Variants in HDAC9 observed in about 807,000 individuals in gnomAD.
The protein encoded by HDAC9 is MEF-2 interacting transcription repressor (MITR) protein.
Under a neutral mutation model 139.4 loss-of-function variants are expected in HDAC9, and 41 were observed. The observed-to-expected ratio is 0.29, with a 90% CI of 0.23 to 0.38. HDAC9 has a LOEUF of 0.38. Ranked by LOEUF, HDAC9 falls within the 10% of genes least tolerant of loss-of-function variation. The probability of loss-of-function intolerance (pLI) is 1.00; values close to 1 mark genes in which losing one functional copy is unlikely to be tolerated. For synonymous variants in HDAC9, 517 were observed against 476.2 expected (o/e 1.09, Z -1.12); for missense variants, 1,147 against 1,297.0 (o/e 0.88, Z 1.78).
At chr7:18,499,279 A>G (rs768441656) in intron 2 of HDAC9, among the ~76,000 whole-genome samples, 1 of 152,104 alleles carries the variant, frequency 6.6e-6, no homozygotes, top group Non-Finnish European at 1.5e-5. Flanking sequence ...ATTGGATATT[A>G]TGCACTAATA....
chr7:18,672,284 A>G (rs575749087), intron 12 of HDAC9, among the ~76,000 whole-genome samples: 1 of 152,022 alleles, frequency 6.6e-6, no homozygotes, highest in East Asian at 1.9e-4. Flanking sequence ...GCTTTGATTT[A>G]TATTTCATTA....
chr7:18,248,427 C>G (rs1268790450), intron 2 of HDAC9, among the ~76,000 whole-genome samples: 1 of 152,082 alleles, frequency 6.6e-6, no homozygotes, highest in Non-Finnish European at 1.5e-5. Flanking sequence ...GACAAGTTTT[C>G]TGGAAAAGTA....
chr7:18,183,265 T>C (rs1789637146), intron 2 of HDAC9, among the ~76,000 whole-genome samples: 1 of 152,188 alleles, frequency 6.6e-6, no homozygotes, highest in Non-Finnish European at 1.5e-5. Context: ...CGCCTCGGCC[T>C]CCCAAAGTGC....
intron 1 of HDAC9, among the ~76,000 whole-genome samples, chr7:18,382,347 T>C (rs1044274662): frequency 2.2e-4 from 33 of 152,240 alleles, no homozygotes; most frequent in African/African-American, 7.2e-4. Context: ...CACCATGGTA[T>C]TCTGGAAGTT....
intron 2 of HDAC9, among the ~76,000 whole-genome samples, chr7:18,222,979 CTT>C (rs1749049758): frequency 6.6e-6 from 1 of 152,138 alleles, no homozygotes; most frequent in African/African-American, 2.4e-5. Flanking sequence ...AATTTACTCT[CTT>C]GTCAGTATTG....
intron 2 of HDAC9, among the ~76,000 whole-genome samples, chr7:18,258,999 T>A (rs2128205456): frequency 7.5e-6 from 1 of 132,668 alleles, no homozygotes; most frequent in Non-Finnish European, 1.6e-5. Flanking sequence ...AAACAGGGTC[T>A]CACTCTGTCG....
At chr7:18,139,039 A>G (rs183328709) in intron 1 of HDAC9, among the ~76,000 whole-genome samples, 3 of 151,952 alleles carry the variant, frequency 2.0e-5, no homozygotes, top group East Asian at 1.9e-4. Context: ...TAAATGATTC[A>G]TTCTAGACAG....
At chr7:18,526,738 A>G (rs1023345287) in intron 2 of HDAC9, among the ~76,000 whole-genome samples, 1 of 152,196 alleles carries the variant, frequency 6.6e-6, no homozygotes, top group Non-Finnish European at 1.5e-5. Context: ...AGGATAGCCT[A>G]CATAACTTAA....
At chr7:18,411,435 C>T (rs909784938) in intron 1 of HDAC9, among the ~76,000 whole-genome samples, 4 of 152,090 alleles carry the variant, frequency 2.6e-5, no homozygotes, top group African/African-American at 7.2e-5. Flanking sequence ...AGTGCAGTGG[C>T]GTGATTTTGG....
chr7:18,185,322 C>G (rs1789819653), intron 2 of HDAC9, among the ~76,000 whole-genome samples: 1 of 152,196 alleles, frequency 6.6e-6, no homozygotes, highest in East Asian at 1.9e-4. Context: ...CTTAATTTGA[C>G]TTTTATGAGG....
At chr7:18,284,363 A>T (rs1221502191) in intron 2 of HDAC9, among the ~76,000 whole-genome samples, 1 of 152,206 alleles carries the variant, frequency 6.6e-6, no homozygotes, top group East Asian at 1.9e-4. Context: ...CTTCTGTTTC[A>T]CAGGTTCAGA....
At chr7:18,857,541 A>G (rs191438357) in intron 21 of HDAC9, among the ~76,000 whole-genome samples, 2 of 152,146 alleles carry the variant, frequency 1.3e-5, no homozygotes, top group African/African-American at 2.4e-5. Flanking sequence ...TTATAGCTGT[A>G]GTTTCTAGAG....
At chr7:18,731,078 T>C (rs1409688562) in intron 13 of HDAC9, among the ~76,000 whole-genome samples, 1 of 152,204 alleles carries the variant, frequency 6.6e-6, no homozygotes, top group Non-Finnish European at 1.5e-5. Flanking sequence ...AGTGGGGCAC[T>C]GTAAGACTTC....
intron 6 of HDAC9, among the ~76,000 whole-genome samples, chr7:18,618,126 AG>A (rs1839171237): frequency 6.6e-6 from 1 of 152,196 alleles, no homozygotes; most frequent in East Asian, 1.9e-4. Context: ...AAAAACCTAA[AG>A]TAATATATTT....
At chr7:18,403,653 C>T (rs1400611572) in intron 1 of HDAC9, among the ~76,000 whole-genome samples, 1 of 152,166 alleles carries the variant, frequency 6.6e-6, no homozygotes, top group African/African-American at 2.4e-5. Flanking sequence ...CCTAGGTAGG[C>T]TTGGCTCACT....
At position 18,401,452 on chromosome 7, in the gene HDAC9, G is replaced by A. The variant is rs148204426; in HGVS notation, c.-41-94810G>A. 1.1e-4 allele frequency among the ~76,000 whole-genome samples: 16 copies of A among 152,270 alleles called. No homozygotes were observed. The East Asian group carries it at 2.9e-3, about 28-fold the overall frequency. On this transcript the variant is annotated intron_variant, in intron 1 of 3. Transcript: ENST00000413509. Reference sequence around the variant, plus strand: ...TGCAAAACACCGCATTCTTCTGGGAGCTTTGCACTTTGCATGATAAGACTT... The same window carrying A: ...TGCAAAACACCGCATTCTTCTGGGAACTTTGCACTTTGCATGATAAGACTT...
At chr7:18,461,723 C>G (rs1374201654) in intron 1 of HDAC9, among the ~76,000 whole-genome samples, 1 of 152,120 alleles carries the variant, frequency 6.6e-6, no homozygotes, top group African/African-American at 2.4e-5. Flanking sequence ...GATCAGAGAT[C>G]TCCCTTAATT....
At chr7:18,367,854 G>T (rs1417473591) in intron 1 of HDAC9, among the ~76,000 whole-genome samples, 1 of 152,028 alleles carries the variant, frequency 6.6e-6, no homozygotes, top group Non-Finnish European at 1.5e-5. Context: ...TGTATGTTTA[G>T]ATTTTTTCAT....
intron 1 of HDAC9, among the ~76,000 whole-genome samples, chr7:18,360,775 C>T (rs970277066): frequency 1.3e-5 from 2 of 152,058 alleles, no homozygotes; most frequent in African/African-American, 4.8e-5. Flanking sequence ...AAAATGTTTA[C>T]TTTCCAAGAG....
Sources: gnomAD v4.1 joint callset for allele counts (sites outside exome capture counted in the v4.1 genomes callset) on GRCh38, gnomAD v4.1.1 for gene constraint, MANE v1.5 for transcripts, NCBI Gene and HGNC (gene_info 2026-07-23, HGNC 2026-07-21) for gene names.